The following SKIC3 variants were observed in gnomAD, a reference collection of about 807,000 sequenced individuals.
SKIC3 encodes SKI3 subunit of superkiller complex, also known as superkiller complex protein 3.
chr5:95,530,657 A>T, the SKIC3 span, among the ~76,000 whole-genome samples: 1 of 152,182 alleles, frequency 6.6e-6, no homozygotes, highest in Non-Finnish European at 1.5e-5. Context: ...GCATCCAAGG[A>T]TCACAAGATA....
chr5:95,526,578 A>C, the SKIC3 span, among the ~76,000 whole-genome samples: 1 of 151,924 alleles, frequency 6.6e-6, no homozygotes, highest in East Asian at 1.9e-4. Context: ...GCTTCAAGCG[A>C]TTCTCCTGCC....
the SKIC3 span, chr5:95,543,401 A>C: frequency 3.3e-5 from 50 of 1,516,358 alleles, 1 homozygote; most frequent in Non-Finnish European, 4.4e-5. Flanking sequence ...CAGAAAGTCT[A>C]GCATGAGTCA....
chr5:95,536,607 GC>G, the SKIC3 span: 1 of 503,276 alleles, frequency 2.0e-6, no homozygotes, highest in African/African-American at 1.9e-5. Context: ...AATAAATCTG[GC>G]AACTCATAAT....
At chr5:95,543,800 A>G in the SKIC3 span, among the ~76,000 whole-genome samples, 1 of 152,222 alleles carries the variant, frequency 6.6e-6, no homozygotes. Context: ...GATTCACCCC[A>G]GTGCGATTAT....
chr5:95,529,321 C>A, the SKIC3 span: 9 of 589,692 alleles, frequency 1.5e-5, no homozygotes, highest in East Asian at 2.7e-4. Context: ...TCCCAAATCA[C>A]TACAAGTGCT....
the SKIC3 span, among the ~76,000 whole-genome samples, chr5:95,545,937 C>T: frequency 6.6e-6 from 1 of 152,170 alleles, no homozygotes; most frequent in Non-Finnish European, 1.5e-5. Flanking sequence ...TACTATTCTG[C>T]TCCTCTCTAA....
the SKIC3 span, chr5:95,467,827 T>G: frequency 1.2e-6 from 2 of 1,611,742 alleles, no homozygotes; most frequent in Non-Finnish European, 1.7e-6. Flanking sequence ...TTAAATAAAA[T>G]CAATGCCTCA....
chr5:95,469,715 A>T, the SKIC3 span: 1 of 1,604,254 alleles, frequency 6.2e-7, no homozygotes, highest in Non-Finnish European at 8.5e-7. Context: ...TCTTTCCTTG[A>T]TTATTTCCTA....
the SKIC3 span, chr5:95,523,288 C>T: frequency 6.2e-7 from 1 of 1,613,756 alleles, no homozygotes; most frequent in South Asian, 1.1e-5. Flanking sequence ...CAGCACTTGC[C>T]TTTTGAGTTA....
the SKIC3 span, chr5:95,498,523 T>C: frequency 6.2e-7 from 1 of 1,614,244 alleles, no homozygotes; most frequent in Non-Finnish European, 8.5e-7. Flanking sequence ...CAGTGTAGCA[T>C]CCTGCATTGC....
At chr5:95,552,556 T>C in the SKIC3 span, among the ~76,000 whole-genome samples, 10 of 152,098 alleles carry the variant, frequency 6.6e-5, no homozygotes, top group East Asian at 1.7e-3. Context: ...TCTCAATCAG[T>C]AGATGTTTAT....
At chr5:95,494,696 G>A in the SKIC3 span, 7 of 1,613,460 alleles carry the variant, frequency 4.3e-6, no homozygotes, top group Non-Finnish European at 5.9e-6. Context: ...AGAAAGGAGA[G>A]CTGCCTTCTG....
the SKIC3 span, chr5:95,512,721 C>T: frequency 1.3e-5 from 17 of 1,337,816 alleles, no homozygotes; most frequent in South Asian, 2.0e-4. Context: ...AATATCACAT[C>T]TCAGTGTTCT....
At chr5:95,497,624 G>C in the SKIC3 span, 4 of 668,354 alleles carry the variant, frequency 6.0e-6, no homozygotes, top group Non-Finnish European at 1.1e-5. Context: ...ATGTTTGGTT[G>C]AAAGTATTTT....
chr5:95,510,587 C>T, the SKIC3 span, among the ~76,000 whole-genome samples: 1 of 152,090 alleles, frequency 6.6e-6, no homozygotes, highest in Non-Finnish European at 1.5e-5. Context: ...ATCTTGTGGC[C>T]CCCACCCAGG....
the SKIC3 span, chr5:95,484,795 A>T: frequency 1.2e-6 from 2 of 1,614,132 alleles, no homozygotes; most frequent in Non-Finnish European, 1.7e-6. Context: ...TGTGAGAGAG[A>T]CCACTTTTCA....
At chr5:95,523,643 T>C in the SKIC3 span, 5 of 1,612,838 alleles carry the variant, frequency 3.1e-6, no homozygotes, top group Non-Finnish European at 4.2e-6. Context: ...CAAAAGTGAT[T>C]ATTAGACATA....
chr5:95,472,387 T>G, the SKIC3 span, among the ~76,000 whole-genome samples: 13 of 152,216 alleles, frequency 8.5e-5, no homozygotes, highest in Non-Finnish European at 1.8e-4. Context: ...CTCTTCTCTG[T>G]CCTAACACCT....
chr5:95,486,226 C>T, the SKIC3 span, among the ~76,000 whole-genome samples: 4 of 152,176 alleles, frequency 2.6e-5, no homozygotes, highest in Non-Finnish European at 5.9e-5. Flanking sequence ...TGTATCTCCA[C>T]AGTCCTAGAG....
Sources: gnomAD v4.1 joint callset for allele counts (sites outside exome capture counted in the v4.1 genomes callset) on GRCh38, gnomAD v4.1.1 for gene constraint, MANE v1.5 for transcripts, NCBI Gene and HGNC (gene_info 2026-07-23, HGNC 2026-07-21) for gene names.